Variants in KIFAP3 observed in about 807,000 individuals in gnomAD.
The protein encoded by KIFAP3 is kinesin associated protein 3.
A neutral mutation model predicts 106.5 loss-of-function variants in KIFAP3; 68 were observed. That is an observed-to-expected ratio of 0.64 (90% CI 0.53 to 0.78). The LOEUF (loss-of-function observed/expected upper bound fraction) is 0.78. Among genes scored for constraint, KIFAP3 ranks in the 30% least tolerant of loss-of-function variants. The pLI is 0.00. For synonymous variants in KIFAP3, 320 were observed against 311.5 expected (o/e 1.03, Z -0.29); for missense variants, 780 against 941.8 (o/e 0.83, Z 2.25).
At chr1:169,992,403 C>A in intron 10 of KIFAP3, 148 bp from the exon 11 acceptor site, 1 of 403,246 alleles carries the variant, frequency 2.5e-6, no homozygotes. Flanking sequence ...ATTTCAAATC[C>A]AAAATTTAGA....
At chr1:169,966,105 T>C (rs1170556794) in intron 17 of KIFAP3, among the ~76,000 whole-genome samples, 1 of 151,888 alleles carries the variant, frequency 6.6e-6, no homozygotes, top group Non-Finnish European at 1.5e-5. Context: ...AATAATTGTA[T>C]TCTAACTTTT....
chr1:169,979,907 G>A (rs551862791), intron 15 of KIFAP3, among the ~76,000 whole-genome samples: 4 of 152,176 alleles, frequency 2.6e-5, no homozygotes, highest in African/African-American at 9.6e-5. Context: ...AGGATAAATG[G>A]TGGTATGTTT....
At chr1:170,035,679 T>C (rs1669655522) in intron 5 of KIFAP3, 126 bp from the exon 6 acceptor site, 2 of 550,738 alleles carry the variant, frequency 3.6e-6, no homozygotes, top group South Asian at 3.1e-5. Flanking sequence ...AAAAGTAGGA[T>C]GCTTCTTTCC....
chr1:170,050,637 C>T (rs1048378803), intron 2 of KIFAP3, among the ~76,000 whole-genome samples: 3 of 152,174 alleles, frequency 2.0e-5, no homozygotes, highest in Admixed American at 6.6e-5. Context: ...AGACTAACAG[C>T]GGATCTCTCT....
intron 19 of KIFAP3, among the ~76,000 whole-genome samples, chr1:169,944,546 T>C (rs917410706): frequency 1.3e-5 from 2 of 152,108 alleles, no homozygotes; most frequent in African/African-American, 4.8e-5. Flanking sequence ...GCCCCGTTTG[T>C]GTTACAGCTC....
At chr1:169,985,922 C>T (rs1409787398) in intron 11 of KIFAP3, among the ~76,000 whole-genome samples, 1 of 151,804 alleles carries the variant, frequency 6.6e-6, no homozygotes, top group Non-Finnish European at 1.5e-5. Flanking sequence ...AAATTTTATG[C>T]TATGTTTTGG....
chr1:169,950,817 G>A (rs1664690178), intron 19 of KIFAP3, among the ~76,000 whole-genome samples: 2 of 151,820 alleles, frequency 1.3e-5, no homozygotes, highest in Non-Finnish European at 2.9e-5. Flanking sequence ...TCACCTATAG[G>A]ATATCAGGAG....
At chr1:170,077,455 G>C (rs576594829), upstream of KIFAP3, among the ~76,000 whole-genome samples, 1 of 152,312 alleles carries the variant, frequency 6.6e-6, no homozygotes, top group East Asian at 1.9e-4. Context: ...ATATGCAGCA[G>C]AGAAAGTTGA....
At chr1:169,928,989 A>C (rs1212902039) in intron 19 of KIFAP3, among the ~76,000 whole-genome samples, 2 of 152,184 alleles carry the variant, frequency 1.3e-5, no homozygotes, top group Non-Finnish European at 2.9e-5. Context: ...CAATAAGAAG[A>C]GATGTGCAGG....
At chr1:169,988,954 G>GA (rs1426225095) in intron 11 of KIFAP3, among the ~76,000 whole-genome samples, 4 of 151,578 alleles carry the variant, frequency 2.6e-5, no homozygotes, top group Non-Finnish European at 5.9e-5. Flanking sequence ...ATTTCAAAAA[G>GA]AAAAAAATGG....
chr1:170,020,987 T>G (rs1401285041), intron 9 of KIFAP3, among the ~76,000 whole-genome samples: 1 of 152,156 alleles, frequency 6.6e-6, no homozygotes, highest in Non-Finnish European at 1.5e-5. Context: ...ATTTTTTTTA[T>G]ATGCTGACTT....
chr1:170,043,166 A>G (rs1221034876), intron 3 of KIFAP3, among the ~76,000 whole-genome samples: 1 of 152,166 alleles, frequency 6.6e-6, no homozygotes, highest in Non-Finnish European at 1.5e-5. Flanking sequence ...ATAGATTAAT[A>G]TCATCAGCTC....
chr1:170,046,930 T>G, intron 2 of KIFAP3, 64 bp from the exon 3 acceptor site: 1 of 850,790 alleles, frequency 1.2e-6, no homozygotes, highest in Non-Finnish European at 1.7e-6. Flanking sequence ...ATACTACTAC[T>G]TTAAAATAAT....
intron 19 of KIFAP3, among the ~76,000 whole-genome samples, chr1:169,947,299 C>T (rs1030310404): frequency 3.3e-4 from 50 of 151,888 alleles, no homozygotes; most frequent in African/African-American, 1.2e-3. Context: ...TAGATCAAAT[C>T]ATATACCATG....
intron 11 of KIFAP3, among the ~76,000 whole-genome samples, chr1:169,991,812 A>C (rs962013769): frequency 6.6e-6 from 1 of 152,100 alleles, no homozygotes; most frequent in Non-Finnish European, 1.5e-5. Context: ...TATACAATTA[A>C]AAATAATTTT....
chr1:170,041,860 T>C (rs1669997780), intron 3 of KIFAP3: 3 of 1,393,196 alleles, frequency 2.2e-6, no homozygotes, highest in Non-Finnish European at 2.8e-6. Context: ...GGGCCCTGTT[T>C]AAGGGGAATT....
At chr1:170,046,377 T>C (rs570787895) in intron 3 of KIFAP3, among the ~76,000 whole-genome samples, 1 of 152,258 alleles carries the variant, frequency 6.6e-6, no homozygotes, top group South Asian at 2.1e-4. Context: ...GTTGGGGCAG[T>C]GAAAATAGGT....
At position 169,921,761 on chromosome 1, in the gene KIFAP3, C is replaced by T; in HGVS notation, c.2294G>A (p.Gly765Asp). The T allele has an allele frequency of 1.2e-6, 2 of 1,613,646 alleles. No homozygotes were observed. The highest frequency in any genetic ancestry group is 2.2e-5 in the South Asian group (2 of 91,058). ...FPGSLGMDGF[G>D]QPVGILGRPA... ...GCGTCCAAGAATGCCAACTGGTTGG[C>T]CAAAGCCATCCATTCCAAGGCTAAA... The change falls in exon 20 of 20, where the codon GGC becomes GAC. Residue 765 changes from glycine to aspartate, a missense_variant. By Grantham distance (94) the Gly-to-Asp change is moderately conservative (BLOSUM62 -1). Coordinates refer to ENST00000361580, the MANE Select transcript of KIFAP3 (RefSeq NM_014970.4).
intron 19 of KIFAP3, among the ~76,000 whole-genome samples, chr1:169,950,215 A>G (rs1186923594): frequency 6.6e-6 from 1 of 152,164 alleles, no homozygotes; most frequent in Non-Finnish European, 1.5e-5. Flanking sequence ...TATTTATTAC[A>G]TGAATCCACT....
Sources: allele counts gnomAD v4.1 joint callset (sites outside exome capture counted in the v4.1 genomes callset), GRCh38; gene constraint gnomAD v4.1.1; transcripts MANE v1.5; gene names NCBI Gene and HGNC (gene_info 2026-07-23, HGNC 2026-07-21).